The following DNAH8 variants were observed in gnomAD, a reference collection of about 807,000 sequenced individuals.
DNAH8 encodes axonemal beta dynein heavy chain 8.
Under a neutral mutation model 562.1 loss-of-function variants are expected in DNAH8, and 382 were observed. The observed-to-expected ratio is 0.68, with a 90% CI of 0.63 to 0.74. The LOEUF (loss-of-function observed/expected upper bound fraction) is 0.74, where lower values mean the gene tolerates loss of function less well. Among genes scored for constraint, DNAH8 ranks in the 30% least tolerant of loss-of-function variants. The probability of loss-of-function intolerance (pLI) is 0.00; values close to 1 mark genes in which losing one functional copy is unlikely to be tolerated. For missense variants in DNAH8, 5,203 were observed against 5,620.4 expected (o/e 0.93, Z 2.37); for synonymous variants, 1,881 against 1,919.4 (o/e 0.98, Z 0.52).
Position 39,030,429 on chromosome 6 carries a change from T to C in DNAH8, c.*37T>C, listed in dbSNP as rs746909229. 12 of 1,581,522 alleles carry C rather than the reference T, an allele frequency of 7.6e-6. No homozygotes were observed. Among genetic ancestry groups the C allele is most frequent in the African/African-American group, 2.7e-5 (2 of 74,406 alleles). On this transcript the variant is annotated 3_prime_UTR_variant, in exon 93 of 93. Transcript: ENST00000327475. ...TCTGCTCAGGGCACCAGAACCCACA[T>C]AGACAGCCTGTGCTATTGAGGGACT...
rs772000022 is a variant in DNAH8, at chr6:38,971,622, A to G, written c.12482A>G (p.Gln4161Arg). The part of the protein sequence containing the change: ...ECRTISMGQG[Q>R]EVHARKLIQM... ...AGAACTATCTCAATGGGGCAAGGAC[A>G]AGAAGTACATGCTCGAAAGCTGATT... The change falls in exon 83 of 93, where the codon CAA becomes CGA. Residue 4161 changes from glutamine (Q) to arginine (R), a missense_variant. Gln to Arg is a conservative substitution (Grantham distance 43). Transcript: ENST00000327475. 26 of 1,603,110 alleles carry G rather than the reference A, an allele frequency of 1.6e-5. No individual in the cohort carries two copies. The highest frequency in any genetic ancestry group is 2.1e-5 in the Non-Finnish European group (25 of 1,175,324).
At chr6:38,894,583 GATTT>G in intron 58 of DNAH8, 114 bp from the exon 59 acceptor site, 1 of 829,516 alleles carries the variant, frequency 1.2e-6, no homozygotes, top group South Asian at 1.8e-5. Flanking sequence ...ACTTAATCTT[GATTT>G]ATTTACTCAG....
At chr6:38,941,054 A>G (rs970497053) in intron 79 of DNAH8, among the ~76,000 whole-genome samples, 1 of 151,904 alleles carries the variant, frequency 6.6e-6, no homozygotes, top group Non-Finnish European at 1.5e-5. Context: ...AGGGAGTCGG[A>G]GGTTGCAGTG....
At chr6:38,962,428 T>C (rs1762664546) in intron 82 of DNAH8, among the ~76,000 whole-genome samples, 1 of 152,130 alleles carries the variant, frequency 6.6e-6, no homozygotes, top group African/African-American at 2.4e-5. Flanking sequence ...TCATTTACAT[T>C]ACAAACATTG....
chr6:38,766,978 A>G (rs1562707815), intron 11 of DNAH8, among the ~76,000 whole-genome samples: 1 of 152,166 alleles, frequency 6.6e-6, no homozygotes, highest in African/African-American at 2.4e-5. Context: ...CTCTTTTTGT[A>G]TAATTAAAAA....
chr6:38,788,439 T>G (rs1678668), intron 18 of DNAH8, among the ~76,000 whole-genome samples: 4 of 151,980 alleles, frequency 2.6e-5, no homozygotes, highest in Admixed American at 6.6e-5. Context: ...CCTGAGCCAC[T>G]GCGCCCGGCC....
At chr6:38,780,786 C>A (rs1396381225) in intron 15 of DNAH8, among the ~76,000 whole-genome samples, 2 of 152,070 alleles carry the variant, frequency 1.3e-5, no homozygotes, top group Non-Finnish European at 2.9e-5. Flanking sequence ...ATCCTCATGA[C>A]ACGAGTTTAC....
At chr6:38,980,302 T>C (rs1005691437) in intron 85 of DNAH8, among the ~76,000 whole-genome samples, 5 of 152,088 alleles carry the variant, frequency 3.3e-5, no homozygotes, top group Non-Finnish European at 5.9e-5. Flanking sequence ...TATATCAATA[T>C]GAAACATCTT....
At chr6:38,869,382 A>G (rs1295789158) in intron 48 of DNAH8, among the ~76,000 whole-genome samples, 1 of 151,402 alleles carries the variant, frequency 6.6e-6, no homozygotes, top group African/African-American at 2.4e-5. Flanking sequence ...CATGGACTGT[A>G]ATGGAGGCTT....
In DNAH8 at chr6:38,898,321, A is replaced by G. The variant is rs545106616; in HGVS notation, c.9004A>G (p.Ile3002Val). ...QFYQRQFNEI[I>V]RGTSLDLVFF... ...TTACCAGAGACAGTTCAATGAAATC[A>G]TTAGAGGAACATCTCTTGATCTGGT... is the stretch of plus-strand genomic sequence containing the variant. Residue 3002 changes from isoleucine (I) to valine (V), a missense_variant, in exon 61 of 93, where the codon ATT becomes GTT. Ile to Val is a conservative substitution (Grantham distance 29). Transcript: ENST00000327475. The G allele has an allele frequency of 3.1e-6, 5 of 1,590,208 alleles. No individual in the cohort carries two copies. The African/African-American group carries it at 6.8e-5, about 22-fold the overall frequency.
At chr6:38,940,845 C>T (rs139633210) in intron 79 of DNAH8, among the ~76,000 whole-genome samples, 203 of 152,222 alleles carry the variant, frequency 1.3e-3, no homozygotes, top group African/African-American at 3.6e-3. Context: ...AGGCCGGGCG[C>T]GGTGGCTAAT....
At chr6:38,743,729 CATATTCTGTTGTATGAAT>C (rs1764704123) in intron 8 of DNAH8, among the ~76,000 whole-genome samples, 1 of 152,212 alleles carries the variant, frequency 6.6e-6, no homozygotes, top group African/African-American at 2.4e-5. Context: ...ATGGCTGAAT[CATATTCTGTTGTATGAAT>C]ATACCACATT....
chr6:38,839,513 C>T (rs1188354783), intron 33 of DNAH8, among the ~76,000 whole-genome samples: 1 of 151,648 alleles, frequency 6.6e-6, no homozygotes, highest in African/African-American at 2.4e-5. Context: ...ACCACTGGGC[C>T]CAGGTAATTT....
intron 79 of DNAH8, among the ~76,000 whole-genome samples, chr6:38,943,601 C>T (rs2150608472): frequency 6.6e-6 from 1 of 152,286 alleles, no homozygotes; most frequent in South Asian, 2.1e-4. Flanking sequence ...ATACCAGGCG[C>T]AATCCTGCAT....
intron 26 of DNAH8, among the ~76,000 whole-genome samples, chr6:38,822,101 G>A (rs1772913142): frequency 6.6e-6 from 1 of 152,166 alleles, no homozygotes; most frequent in Admixed American, 6.5e-5. Context: ...GTTACTGTGA[G>A]GAGGGGCTTA....
intron 47 of DNAH8, 22 bp downstream of exon 47, chr6:38,866,898 C>A: frequency 7.0e-7 from 1 of 1,434,624 alleles, no homozygotes; most frequent in Non-Finnish European, 9.8e-7. Flanking sequence ...GATCTGCTTT[C>A]CTCCTAGCAA....
chr6:38,827,483 T>C (rs1020357573), intron 29 of DNAH8, among the ~76,000 whole-genome samples: 4 of 152,128 alleles, frequency 2.6e-5, no homozygotes, highest in African/African-American at 9.7e-5. Context: ...CACTGCCTCA[T>C]TGCCTACAAT....
intron 87 of DNAH8, among the ~76,000 whole-genome samples, chr6:38,988,303 A>C (rs184602624): frequency 3.9e-5 from 6 of 152,286 alleles, no homozygotes; most frequent in Non-Finnish European, 7.4e-5. Context: ...TAGCCTCCAA[A>C]TTTGGTGAAA....
At chr6:38,875,199 A>C (rs973282770) in intron 52 of DNAH8, among the ~76,000 whole-genome samples, 3 of 152,222 alleles carry the variant, frequency 2.0e-5, no homozygotes, top group African/African-American at 7.2e-5. Context: ...AGTCCTGCAA[A>C]ATTTTACAAA....
Sources: allele counts gnomAD v4.1 joint callset (sites outside exome capture counted in the v4.1 genomes callset), GRCh38; gene constraint gnomAD v4.1.1; transcripts MANE v1.5; gene names NCBI Gene and HGNC (gene_info 2026-07-23, HGNC 2026-07-21).